The following RDX variants were observed in gnomAD, a reference collection of about 807,000 sequenced individuals.
RDX encodes the protein deafness, autosomal recessive 24.
A neutral mutation model predicts 83.7 loss-of-function variants in RDX; 32 were observed. That is an observed-to-expected ratio of 0.38 (90% confidence interval 0.29 to 0.51). RDX has a LOEUF of 0.51. Ranked by LOEUF, RDX falls within the 20% of genes least tolerant of loss-of-function variation. The pLI is 0.87. For synonymous variants in RDX, 229 were observed against 222.7 expected (o/e 1.03, Z -0.25); for missense variants, 600 against 689.9 (o/e 0.87, Z 1.46).
intron 14 of RDX, among the ~76,000 whole-genome samples, chr11:110,216,728 G>T (rs753628623): frequency 6.0e-5 from 9 of 149,592 alleles, no homozygotes; most frequent in Admixed American, 1.3e-4. Context: ...ATGTTGCCCA[G>T]GCTGGTCTTG....
chr11:110,176,062 C>T (rs1862766371), intron 15 of RDX, among the ~76,000 whole-genome samples: 1 of 151,258 alleles, frequency 6.6e-6, no homozygotes, highest in African/African-American at 2.4e-5. Context: ...GCACCAGCAC[C>T]AGCCTTTTTT....
intron 3 of RDX, among the ~76,000 whole-genome samples, chr11:110,271,005 A>G (rs947900438): frequency 4.6e-5 from 7 of 152,208 alleles, no homozygotes; most frequent in Non-Finnish European, 8.8e-5. Context: ...ATATTATACC[A>G]GAACAAAAGT....
rs1313480998 is a variant in RDX at position 110,231,851 on chromosome 11, T to C, written c.*18A>G. 4 of 1,611,748 alleles carry C rather than the reference T, an allele frequency of 2.5e-6. No individual in the cohort carries two copies. Among genetic ancestry groups the C allele is most frequent in the South Asian group, 2.2e-5 (2 of 90,992 alleles). Reference sequence around the variant, plus strand: ...GGTGGTTCAGCTTATGAAGAACATATATGCAAAATAACAGCTCTCACATTG... The same window carrying C: ...GGTGGTTCAGCTTATGAAGAACATACATGCAAAATAACAGCTCTCACATTG... On this transcript the variant is annotated 3_prime_UTR_variant, in exon 14 of 14. Transcript: ENST00000645495.
In RDX at chr11:110,231,753, T is replaced by C. The variant is rs11541502; in HGVS notation, c.*116A>G. 13 of 1,130,938 alleles carry C rather than the reference T, an allele frequency of 1.1e-5. No homozygotes were observed. The highest frequency in any genetic ancestry group is 1.7e-5 in the Non-Finnish European group (13 of 751,514). The allele number at this position is 1,130,938 out of a possible 1,614,324, so 70.1% of individuals were successfully genotyped here. On this transcript the variant is annotated 3_prime_UTR_variant, in exon 14 of 14. Transcript: ENST00000645495. The stretch of plus-strand genomic sequence containing the variant: ...TAAATTTGTCTTTTAGCTAGCACAG[T>C]CAAACTGGTGTAAGTGCTTTGGCAA...
At chr11:110,178,658 CAGGTA>C (rs1321286808) in intron 15 of RDX, among the ~76,000 whole-genome samples, 3 of 152,116 alleles carry the variant, frequency 2.0e-5, no homozygotes, top group African/African-American at 7.2e-5. Context: ...CAGAAGAAAT[CAGGTA>C]CAGAAGCAAG....
Position 110,230,427 on chromosome 11 carries a change from C to A in RDX, c.*1442G>T, listed in dbSNP as rs1864578741. 6.6e-6 allele frequency: 1 copy of A among 152,010 alleles called. No individual in the cohort carries two copies. The highest frequency in any genetic ancestry group is 2.4e-5 in the African/African-American group (1 of 41,402). 9.4% of individuals were successfully genotyped at this position (152,010 alleles called of 1,614,324 possible). A position where few individuals can be genotyped will look rare whatever the true frequency, so the allele number is the denominator to read the frequency against. The stretch of plus-strand genomic sequence containing the variant: ...AATTTCTAAAATAAGAATTAACAAA[C>A]CAAATTTAAGTATTTTTAGTCAGAG... On this transcript the variant is annotated 3_prime_UTR_variant, in exon 14 of 14. Transcript: ENST00000645495.
intron 1 of RDX, among the ~76,000 whole-genome samples, chr11:110,282,386 T>C (rs1312082585): frequency 6.6e-6 from 1 of 152,140 alleles, no homozygotes; most frequent in East Asian, 1.9e-4. Flanking sequence ...TCCAGAGTTC[T>C]ACAACGTATC....
At chr11:110,251,035 T>C (rs1361333529) in intron 9 of RDX, among the ~76,000 whole-genome samples, 1 of 152,210 alleles carries the variant, frequency 6.6e-6, no homozygotes, top group East Asian at 1.9e-4. Flanking sequence ...CTCTACATAT[T>C]CATCTATGTT....
intron 5 of RDX, among the ~76,000 whole-genome samples, chr11:110,260,250 T>G (rs2134370749): frequency 6.6e-6 from 1 of 152,200 alleles, no homozygotes; most frequent in East Asian, 1.9e-4. Context: ...CCTCCCAAAG[T>G]GCTGGGATTA....
intron 14 of RDX, among the ~76,000 whole-genome samples, chr11:110,222,972 T>C (rs1457869829): frequency 2.0e-5 from 3 of 152,226 alleles, no homozygotes; most frequent in African/African-American, 7.2e-5. Context: ...TTTGCAAATA[T>C]TAATGGGATT....
chr11:110,278,324 A>T (rs749393951), intron 2 of RDX, among the ~76,000 whole-genome samples: 2 of 152,158 alleles, frequency 1.3e-5, no homozygotes, highest in African/African-American at 4.8e-5. Context: ...TAATCAAAGA[A>T]GACTGCCTGG....
At chr11:110,271,065 C>A (rs1430381755) in intron 3 of RDX, among the ~76,000 whole-genome samples, 3 of 152,132 alleles carry the variant, frequency 2.0e-5, no homozygotes, top group Non-Finnish European at 4.4e-5. Context: ...GTGTGGTGAA[C>A]TTAGCTCTTT....
intron 1 of RDX, among the ~76,000 whole-genome samples, chr11:110,294,212 T>A (rs868513440): frequency 6.6e-6 from 1 of 152,176 alleles, no homozygotes; most frequent in Non-Finnish European, 1.5e-5. Context: ...CTGGCCAACA[T>A]GGCAAAACCC....
intron 14 of RDX, among the ~76,000 whole-genome samples, chr11:110,216,978 G>A (rs137949442): frequency 6.6e-6 from 1 of 152,214 alleles, no homozygotes; most frequent in African/African-American, 2.4e-5. Flanking sequence ...GTAAAGGGCT[G>A]ATGCCCTCCC....
intron 1 of RDX, among the ~76,000 whole-genome samples, chr11:110,283,811 C>A (rs1860865755): frequency 6.6e-6 from 1 of 151,466 alleles, no homozygotes; most frequent in African/African-American, 2.4e-5. Context: ...ATAATAAAAA[C>A]AGATAAATAT....
chr11:110,283,754 T>C (rs553106905), intron 1 of RDX, among the ~76,000 whole-genome samples: 49 of 152,204 alleles, frequency 3.2e-4, no homozygotes, highest in African/African-American at 1.1e-3. Flanking sequence ...AAAAAAATTA[T>C]AGTTTTGGAA....
At chr11:110,243,702 A>G (rs1438244082) in intron 10 of RDX, among the ~76,000 whole-genome samples, 1 of 152,094 alleles carries the variant, frequency 6.6e-6, no homozygotes, top group African/African-American at 2.4e-5. Context: ...TGCGTGACTG[A>G]GCAAGACCTT....
chr11:110,292,564 G>C, intron 1 of RDX, among the ~76,000 whole-genome samples: 1 of 151,926 alleles, frequency 6.6e-6, no homozygotes, highest in South Asian at 2.1e-4. Context: ...CATCTTAAAG[G>C]ATCTAAGGGC....
At chr11:110,177,929 T>A (rs77392428) in intron 15 of RDX, among the ~76,000 whole-genome samples, 4,993 of 151,616 alleles carry the variant, frequency 0.033, 280 homozygotes, top group African/African-American at 0.12. Context: ...TCCCCGACAC[T>A]CCCCCTCATA....
Sources: gnomAD v4.1 joint callset for allele counts (sites outside exome capture counted in the v4.1 genomes callset) on GRCh38, gnomAD v4.1.1 for gene constraint, MANE v1.5 for transcripts, NCBI Gene and HGNC (gene_info 2026-07-23, HGNC 2026-07-21) for gene names.